INTS4: variants seen among roughly 807,000 people sequenced by gnomAD.
INTS4 encodes MSTP093.
Under a neutral mutation model 119.5 loss-of-function variants are expected in INTS4, and 70 were observed. The observed-to-expected ratio is 0.59, with a 90% CI of 0.48 to 0.71. The LOEUF (loss-of-function observed/expected upper bound fraction) is 0.71. Ranked by LOEUF, INTS4 falls within the 30% of genes least tolerant of loss-of-function variation. The pLI, the probability that INTS4 is intolerant of heterozygous loss-of-function variation, is 0.00. For synonymous variants in INTS4, 316 were observed against 419.6 expected (o/e 0.75, Z 3.02); for missense variants, 867 against 1,173.2 (o/e 0.74, Z 3.81).
At chr11:77,928,932 G>A (rs181330965) in intron 10 of INTS4, among the ~76,000 whole-genome samples, 1 of 151,106 alleles carries the variant, frequency 6.6e-6, no homozygotes, top group East Asian at 2.0e-4. Context: ...GAGGCAGGAA[G>A]ATCACTTGTG....
intron 8 of INTS4, among the ~76,000 whole-genome samples, chr11:77,949,671 C>T (rs1954139728): frequency 6.6e-6 from 1 of 152,128 alleles, no homozygotes; most frequent in Admixed American, 6.5e-5. Flanking sequence ...AATGAGATAC[C>T]ATCTCACACC....
In INTS4 at chr11:77,956,061, T is replaced by C. The variant is rs745586343; in HGVS notation, c.799A>G (p.Ile267Val). The C allele has an allele frequency of 3.1e-6, 5 of 1,588,972 alleles. No homozygotes were observed. The Admixed American group carries it at 7.6e-5, about 24-fold the overall frequency. Residue 267 changes from isoleucine (I) to valine (V), a missense_variant and splice_region_variant, in exon 8 of 23, where the codon ATT becomes GTT. Physicochemically the swap from Ile to Val is conservative, Grantham distance 29. This residue lies in a region of INTS4 where 208 missense variants were observed against 306.6 expected (regional missense o/e 0.68). Transcript: ENST00000534064. ...TCATTAGAAGAAGGAATTGGGACAA[T>C]GCTAAATTAAAAGAAAAGAAATGAA... ...WVVSQLYPES[I>V]VPIPSSNEEI... is the part of the protein sequence containing the mutation.
chr11:77,977,304 G>A (rs1272600149), intron 4 of INTS4, among the ~76,000 whole-genome samples: 1 of 151,902 alleles, frequency 6.6e-6, no homozygotes, highest in Admixed American at 6.6e-5. Flanking sequence ...AAAAAGTATG[G>A]TTTAATTATT....
chr11:77,888,530 TA>T lies in INTS4; in HGVS notation c.2592+2788del, dbSNP rs1285200610. ...TAGGCATGGGCAAGGACTTCATGTC[TA>T]AAACAGCAAAAGCAATGGCAACAAA... On this transcript the variant is annotated intron_variant, in intron 21 of 22. Transcript: ENST00000534064. Among the ~76,000 whole-genome samples the T allele has an allele frequency of 3.3e-5, 5 of 152,080 alleles. 1 individual carries two copies. Among genetic ancestry groups the T allele is most frequent in the Admixed American group, 3.3e-4 (5 of 15,268 alleles).
intron 2 of INTS4, chr11:77,987,653 C>T (rs750259319): frequency 4.4e-6 from 2 of 450,282 alleles, no homozygotes; most frequent in Admixed American, 4.7e-5. Flanking sequence ...GTTGCTTGAG[C>T]TCAGGAATTC....
chr11:77,892,307 G>T (rs1166462917), intron 19 of INTS4, among the ~76,000 whole-genome samples: 1 of 152,154 alleles, frequency 6.6e-6, no homozygotes, highest in Non-Finnish European at 1.5e-5. Flanking sequence ...CCTCACTGAG[G>T]CTCAGAAAAG....
chr11:77,921,923 T>C (rs1254224878), intron 13 of INTS4, among the ~76,000 whole-genome samples: 3 of 151,808 alleles, frequency 2.0e-5, no homozygotes, highest in Non-Finnish European at 4.4e-5. Context: ...CCCAGCTACT[T>C]GGGAGGCTGA....
rs372331946 is a variant in INTS4, at chr11:77,948,809, T to C, written c.918+7133A>G. Among the ~76,000 whole-genome samples the C allele has an allele frequency of 5.3e-3, 766 of 144,462 alleles. 3 individuals are homozygous for C. The highest frequency in any genetic ancestry group is 0.018 in the African/African-American group (722 of 39,186). 94.8% of individuals were successfully genotyped at this position (144,462 alleles called of 152,430 possible). ...AAAGAAAGAAAAAAAAAAAAAGGTA[T>C]ACATTGGTTGAATAGATTAAAACAC... On this transcript the variant is annotated intron_variant, in intron 8 of 22. Coordinates refer to ENST00000534064, the MANE Select transcript of INTS4 (RefSeq NM_033547.4).
chr11:77,926,194 A>AG, intron 11 of INTS4, among the ~76,000 whole-genome samples: 1 of 151,858 alleles, frequency 6.6e-6, no homozygotes, highest in South Asian at 2.1e-4. Context: ...AGCAGGAAAA[A>AG]AAAAAGGCAA....
chr11:77,907,841 C>A, intron 15 of INTS4, 31 bp from the exon 16 acceptor site: 1 of 1,407,466 alleles, frequency 7.1e-7, no homozygotes, highest in Non-Finnish European at 1.0e-6. Flanking sequence ...AAGGCAAACA[C>A]AGGATAAGGA....
chr11:77,971,850 C>A (rs990059447), intron 4 of INTS4, among the ~76,000 whole-genome samples: 2 of 152,018 alleles, frequency 1.3e-5, no homozygotes, highest in African/African-American at 4.8e-5. Flanking sequence ...TCCAAAGACA[C>A]TAAAATATAC....
chr11:77,911,337 G>T (rs1284609739), intron 15 of INTS4, among the ~76,000 whole-genome samples: 1 of 152,166 alleles, frequency 6.6e-6, no homozygotes, highest in African/African-American at 2.4e-5. Context: ...GTGTGAGTTT[G>T]GTGGCCAGAT....
At chr11:77,926,349 G>A (rs1361408531) in intron 11 of INTS4, among the ~76,000 whole-genome samples, 1 of 152,138 alleles carries the variant, frequency 6.6e-6, no homozygotes, top group East Asian at 1.9e-4. Flanking sequence ...AGAATTAAAA[G>A]GCAAGGATTC....
intron 4 of INTS4, among the ~76,000 whole-genome samples, chr11:77,969,123 A>G (rs1855609703): frequency 6.6e-6 from 1 of 152,012 alleles, no homozygotes. Context: ...TAGTAGAGAC[A>G]GGGTTATCAC....
At chr11:77,910,431 C>CG (rs1344880301) in intron 15 of INTS4, among the ~76,000 whole-genome samples, 1 of 100,168 alleles carries the variant, frequency 1.0e-5, no homozygotes, top group Admixed American at 1.4e-4. Context: ...CATCACACCC[C>CG]GGGGCCTGTT....
chr11:77,987,825 A>T, intron 2 of INTS4: 1 of 336,738 alleles, frequency 3.0e-6, no homozygotes, highest in Non-Finnish European at 5.9e-6. Flanking sequence ...GTGGGCAGTG[A>T]TCACGCCATT....
At chr11:77,993,197 A>G (rs989378588) in intron 1 of INTS4, among the ~76,000 whole-genome samples, 1 of 152,352 alleles carries the variant, frequency 6.6e-6, no homozygotes, top group South Asian at 2.1e-4. Context: ...TCTGCCATCA[A>G]GGACCTCCGA....
chr11:77,913,906 A>G (rs1372710136), intron 15 of INTS4, among the ~76,000 whole-genome samples: 3 of 152,138 alleles, frequency 2.0e-5, no homozygotes, highest in African/African-American at 7.2e-5. Flanking sequence ...ATTTCACTCC[A>G]TAACAACTCA....
At chr11:77,912,179 C>T (rs1312216352) in intron 15 of INTS4, among the ~76,000 whole-genome samples, 5 of 152,136 alleles carry the variant, frequency 3.3e-5, no homozygotes, top group East Asian at 1.9e-4. Flanking sequence ...CTGGGCAACA[C>T]GGTGATACCC....
Sources: allele counts gnomAD v4.1 joint callset (sites outside exome capture counted in the v4.1 genomes callset), GRCh38; gene constraint gnomAD v4.1.1; regional missense constraint gnomAD v4.1.1; transcripts MANE v1.5; gene names NCBI Gene and HGNC (gene_info 2026-07-23, HGNC 2026-07-21).